UPK3A: variants seen among roughly 807,000 people sequenced by gnomAD.
The protein encoded by UPK3A is uroplakin 3A, also known as uroplakin-3a.
UPK3A carries 32 observed loss-of-function variants against 27.6 expected under a neutral mutation model. The observed-to-expected ratio is 1.16, with a 90% CI of 0.87 to 1.55. The LOEUF (loss-of-function observed/expected upper bound fraction) is 1.55. UPK3A is among the 40% of genes most tolerant of loss of function. UPK3A has a pLI of 0.00. For missense variants in UPK3A, 370 were observed against 367.9 expected (o/e 1.01, Z -0.05); for synonymous variants, 171 against 163.9 (o/e 1.04, Z -0.33).
At position 45,293,241 on chromosome 22, in the gene UPK3A, T is replaced by A. The variant is rs1370151123; in HGVS notation, c.632T>A (p.Ile211Asn). The A allele has an allele frequency of 6.2e-7, 1 of 1,614,026 alleles. No individual in the cohort carries two copies. The highest frequency in any genetic ancestry group is 8.5e-7 in the Non-Finnish European group (1 of 1,180,032). ...CGGCGGAGCGGAGGCATGATCGTCA[T>A]CACTTCCATCCTGGGCTCCCTGCCC... ...PGRRSGGMIV[I>N]TSILGSLPFF... Residue 211 changes from isoleucine (I) to asparagine (N), a missense_variant, in exon 5 of 6, where the codon ATC (isoleucine) becomes AAC (asparagine). Physicochemically the swap from Ile to Asn is moderately radical, Grantham distance 149. Coordinates refer to ENST00000216211, the MANE Select transcript of UPK3A (RefSeq NM_006953.4).
At chr22:45,292,260 G>A (rs1475862557) in intron 4 of UPK3A, among the ~76,000 whole-genome samples, 2 of 152,186 alleles carry the variant, frequency 1.3e-5, no homozygotes, top group African/African-American at 2.4e-5. Context: ...GGGGAGGACC[G>A]TGGGGCCCAT....
At chr22:45,292,692 C>T (rs892469382) in intron 4 of UPK3A, among the ~76,000 whole-genome samples, 3 of 151,982 alleles carry the variant, frequency 2.0e-5, no homozygotes, top group East Asian at 3.9e-4. Context: ...TTGCTTGAGC[C>T]CAAGAGCTCA....
At chr22:45,286,655 G>C (rs75541094) in intron 2 of UPK3A, among the ~76,000 whole-genome samples, 1 of 152,072 alleles carries the variant, frequency 6.6e-6, no homozygotes, top group African/African-American at 2.4e-5. Flanking sequence ...CAGCTCATTC[G>C]GGACCATCCT....
chr22:45,295,558 A>G lies in UPK3A; in HGVS notation c.705-2A>G, dbSNP rs1214438359. ...CCTGGGTCTTTCCATCCCCTTGGAC[A>G]GGGACATGGGGAGTTCTGATGGGGA... On this transcript the variant is annotated splice_acceptor_variant, in intron 5 of 5. Transcript: ENST00000216211. LOFTEE classifies it high-confidence loss of function. 3.1e-6 allele frequency: 5 copies of G among 1,613,914 alleles called. No homozygotes were observed. The East Asian group carries it at 6.7e-5, about 22-fold the overall frequency.
chr22:45,287,155 C>G lies in UPK3A; in HGVS notation c.209-17C>G, dbSNP rs3747234. On this transcript the variant is annotated splice_polypyrimidine_tract_variant and intron_variant, in intron 2 of 5. Transcript: ENST00000216211. The stretch of plus-strand genomic sequence containing the variant: ...CCGGAGTGGCCAGAAGCCTGACTCC[C>G]TGCACCGCCTCTGCAGCCATTTCCA... 0.024 allele frequency: 39,294 copies of G among 1,613,642 alleles called. 1,643 individuals are homozygous for G. Among genetic ancestry groups the G allele is most frequent in the African/African-American group, 0.17 (12,714 of 74,982 alleles).
intron 4 of UPK3A, among the ~76,000 whole-genome samples, chr22:45,292,282 C>G (rs1340417561): frequency 6.6e-6 from 1 of 152,204 alleles, no homozygotes; most frequent in Non-Finnish European, 1.5e-5. Flanking sequence ...TGGGGGACAG[C>G]ATGCACCTCA....
chr22:45,289,705 G>C (rs909834339), intron 4 of UPK3A, among the ~76,000 whole-genome samples: 3 of 150,666 alleles, frequency 2.0e-5, no homozygotes, highest in Non-Finnish European at 4.4e-5. Flanking sequence ...AGTGAGCCGA[G>C]ATCACGCCAC....
At position 45,295,580 on chromosome 22, in the gene UPK3A, G is replaced by A; in HGVS notation, c.725G>A (p.Gly242Glu). ...LSLVDMGSSD[G>E]ETTHDSQITQ... ...GACAGGGACATGGGGAGTTCTGATG[G>A]GGAAACGACTCACGACTCCCAAATC... is the stretch of plus-strand genomic sequence containing the variant. The change falls in exon 6 of 6, where the codon GGG (glycine) becomes GAG (glutamate). Residue 242 changes from glycine (G) to glutamate (E), a missense_variant. Transcript: ENST00000216211. 1.2e-6 allele frequency: 2 copies of A among 1,614,078 alleles called. No homozygotes were observed. Among genetic ancestry groups the A allele is most frequent in the African/African-American group, 2.7e-5 (2 of 75,034 alleles).
intron 3 of UPK3A, 59 bp downstream of exon 3, chr22:45,287,510 A>G: frequency 6.5e-7 from 1 of 1,547,148 alleles, no homozygotes; most frequent in Middle Eastern, 1.7e-4. Flanking sequence ...CTGATGAGGG[A>G]GAGCAGGGGC....
At chr22:45,288,517 G>A (rs2084135672) in intron 3 of UPK3A, among the ~76,000 whole-genome samples, 1 of 152,104 alleles carries the variant, frequency 6.6e-6, no homozygotes, top group African/African-American at 2.4e-5. Context: ...ATTTTTAGTA[G>A]AGACAGGGTT....
At chr22:45,285,671 C>T (rs372510956) in intron 1 of UPK3A, among the ~76,000 whole-genome samples, 37 of 151,870 alleles carry the variant, frequency 2.4e-4, no homozygotes, top group African/African-American at 3.9e-4. Flanking sequence ...AGGGCTGGGC[C>T]GATGGCATGG....
Position 45,287,230 on chromosome 22 carries a change from C to G in UPK3A, c.267C>G (p.Phe89Leu), listed in dbSNP as rs1266110936. The G allele has an allele frequency of 6.2e-7, 1 of 1,614,232 alleles. No homozygotes were observed. Among genetic ancestry groups the G allele is most frequent in the Non-Finnish European group, 8.5e-7 (1 of 1,180,044 alleles). Residue 89 changes from phenylalanine to leucine, a missense_variant, in exon 3 of 6, where the codon TTC becomes TTG. Phe to Leu is a conservative substitution (Grantham distance 22, BLOSUM62 0). Transcript: ENST00000216211. ...CCAACACCCCACTGGGCTCAACGTT[C>G]CTACAAACAGAGGGTGGGAGGACAG... The part of the protein sequence containing the change: ...DSTNTPLGST[F>L]LQTEGGRTGP...
chr22:45,286,238 C>T, intron 2 of UPK3A, 142 bp downstream of exon 2: 1 of 1,115,702 alleles, frequency 9.0e-7, no homozygotes, highest in Non-Finnish European at 1.3e-6. Flanking sequence ...CCTGTCCTTG[C>T]CTTGCAGGGA....
Position 45,287,437 on chromosome 22 carries a change from A to C in UPK3A, c.474A>C (p.Ala158=). 6.3e-7 allele frequency: 1 copy of C among 1,599,146 alleles called. No homozygotes were observed. Among genetic ancestry groups the C allele is most frequent in the Non-Finnish European group, 8.5e-7 (1 of 1,173,002 alleles). ...GCCTCTGTAACGCACCCCTGTCGGC[A>C]GCCACGGAGTACAGGTGGGTGTAAA... ...FQGLCNAPLS[A]ATEYRFKYVL... The change falls in exon 3 of 6, where the codon GCA becomes GCC. Residue 158 remains alanine, a synonymous_variant. Transcript: ENST00000216211.
In UPK3A at chr22:45,284,979, CG is replaced by C. The variant is rs762488117; in HGVS notation, c.-34del. ...TGGTGCCCGCGCCTGCTCGCTGGACCGCCCGCCCCGCGCTCTGGCGGCTCCT... is the reference window on the plus strand; with the variant it reads ...TGGTGCCCGCGCCTGCTCGCTGGACCCCCGCCCCGCGCTCTGGCGGCTCCT... On this transcript the variant is annotated 5_prime_UTR_variant, in exon 1 of 6. Coordinates refer to ENST00000216211, the MANE Select transcript of UPK3A (RefSeq NM_006953.4). The C allele has an allele frequency of 9.8e-6, 15 of 1,526,832 alleles. No individual in the cohort carries two copies. In the South Asian group the frequency reaches 1.6e-4, roughly 16 times the overall value. 94.6% of individuals were successfully genotyped at this position (1,526,832 alleles called of 1,614,324 possible).
intron 4 of UPK3A, 96 bp from the exon 5 acceptor site, chr22:45,293,085 C>T: frequency 1.3e-6 from 2 of 1,571,552 alleles, no homozygotes; most frequent in Non-Finnish European, 1.7e-6. Context: ...CCCTGGATCC[C>T]CGGCAGCCAG....
At position 45,286,030 on chromosome 22, in the gene UPK3A, A is replaced by T. The variant is rs750680886; in HGVS notation, c.142A>T (p.Met48Leu). ...TGTGGCCTTGGAAAAGCCTCTCTGC[A>T]TGTTTGACAGCAAAGAGGCCCTCAC... is the stretch of plus-strand genomic sequence containing the variant. ...TTVALEKPLC[M>L]FDSKEALTGT... Residue 48 changes from methionine (M) to leucine (L), a missense_variant, in exon 2 of 6, where the codon ATG becomes TTG. Met to Leu is a conservative substitution (Grantham distance 15, BLOSUM62 2). Coordinates refer to ENST00000216211, the MANE Select transcript of UPK3A (RefSeq NM_006953.4). 2 of 1,614,156 alleles carry T rather than the reference A, an allele frequency of 1.2e-6. No homozygotes were observed. Among genetic ancestry groups the T allele is most frequent in the Non-Finnish European group, 1.7e-6 (2 of 1,180,014 alleles).
chr22:45,291,246 G>A (rs928943360), intron 4 of UPK3A, among the ~76,000 whole-genome samples: 3 of 151,754 alleles, frequency 2.0e-5, no homozygotes, highest in Non-Finnish European at 4.4e-5. Flanking sequence ...TGTGTGGTGT[G>A]TGAGTGTGAG....
chr22:45,290,965 C>T (rs1190882818), intron 4 of UPK3A, among the ~76,000 whole-genome samples: 1 of 152,178 alleles, frequency 6.6e-6, no homozygotes. Flanking sequence ...AAAACAAGCT[C>T]AGGGCTCCCA....
Sources: allele counts gnomAD v4.1 joint callset (sites outside exome capture counted in the v4.1 genomes callset), GRCh38; gene constraint gnomAD v4.1.1; transcripts MANE v1.5; gene names NCBI Gene and HGNC (gene_info 2026-07-23, HGNC 2026-07-21).